GPC6: variants seen among roughly 807,000 people sequenced by gnomAD.
The protein encoded by GPC6 is glypican-6.
Under a neutral mutation model 55.2 loss-of-function variants are expected in GPC6, and 14 were observed. The ratio of observed to expected loss-of-function variants is 0.25; its 90% CI spans 0.17 to 0.40. The LOEUF (loss-of-function observed/expected upper bound fraction) is 0.40, where lower values mean the gene tolerates loss of function less well. Ranked by LOEUF, GPC6 falls within the 10% of genes least tolerant of loss-of-function variation. GPC6 has a pLI of 1.00. For missense variants in GPC6, 641 were observed against 708.5 expected (o/e 0.90, Z 1.08); for synonymous variants, 278 against 259.6 (o/e 1.07, Z -0.68).
intron 3 of GPC6, among the ~76,000 whole-genome samples, chr13:93,869,583 G>T (rs1594540665): frequency 1.3e-5 from 2 of 151,820 alleles, no homozygotes; most frequent in Non-Finnish European, 2.9e-5. Flanking sequence ...ACCTAAAATG[G>T]CATTGCAGTC....
chr13:93,932,918 CT>C (rs1878247372), intron 3 of GPC6, among the ~76,000 whole-genome samples: 1 of 146,318 alleles, frequency 6.8e-6, no homozygotes, highest in Admixed American at 6.8e-5. Context: ...CAAAATGAGT[CT>C]TATTGGGCTA....
chr13:93,314,777 G>T (rs1879192313), intron 1 of GPC6, among the ~76,000 whole-genome samples: 1 of 150,846 alleles, frequency 6.6e-6, no homozygotes. Flanking sequence ...GCTGAGAAAT[G>T]AGGAGATTGG....
chr13:93,781,454 C>G (rs75276811), intron 2 of GPC6, among the ~76,000 whole-genome samples: 1 of 152,112 alleles, frequency 6.6e-6, no homozygotes, highest in Admixed American at 6.6e-5. Context: ...GGGATCGTTA[C>G]AGGCAGAACC....
rs554856972 is a variant in GPC6, at chr13:93,623,482, G to A, written c.319+78061G>A. On this transcript the variant is annotated intron_variant, in intron 2 of 8. Transcript: ENST00000377047. ...TTTTTTTTTTTTTTTTTTTTGAGAC[G>A]GAGTCTCGCTCTCTCGCCCAGGCTG... Among the ~76,000 whole-genome samples the A allele has an allele frequency of 1.1e-4, 8 of 73,176 alleles. No homozygotes were observed. In the East Asian group the frequency reaches 1.3e-3, roughly 12 times the overall value. 48.0% of individuals were successfully genotyped at this position (73,176 alleles called of 152,430 possible). A position where few individuals can be genotyped will look rare whatever the true frequency, so the allele number is the denominator to read the frequency against.
intron 1 of GPC6, among the ~76,000 whole-genome samples, chr13:93,528,762 A>C (rs887018748): frequency 6.6e-6 from 1 of 152,134 alleles, no homozygotes; most frequent in Non-Finnish European, 1.5e-5. Context: ...TTTCTTTTGG[A>C]TATGAAGACA....
At chr13:93,392,020 G>C (rs961137221) in intron 1 of GPC6, among the ~76,000 whole-genome samples, 1 of 152,102 alleles carries the variant, frequency 6.6e-6, no homozygotes, top group Admixed American at 6.6e-5. Flanking sequence ...GTACTCTGTA[G>C]GAAACAACTT....
chr13:94,404,794 C>G lies in GPC6; in HGVS notation c.*1577C>G, dbSNP rs1881301685. 1 of 152,206 alleles carries G rather than the reference C, an allele frequency of 6.6e-6. No individual in the cohort carries two copies. 9.4% of individuals were successfully genotyped at this position (152,206 alleles called of 1,614,324 possible). ...TGGATACATTACCTAACTCAATAGG[C>G]CAGTTTAGAGCCACAGCCTAACCTG... On this transcript the variant is annotated 3_prime_UTR_variant, in exon 9 of 9. Transcript: ENST00000377047.
chr13:94,345,817 G>A (rs1164514805), intron 6 of GPC6, among the ~76,000 whole-genome samples: 3 of 152,162 alleles, frequency 2.0e-5, no homozygotes, highest in African/African-American at 4.8e-5. Context: ...TACCACAAAC[G>A]GAGTGGCTTA....
At chr13:93,610,525 G>A (rs1395139790) in intron 2 of GPC6, among the ~76,000 whole-genome samples, 1 of 152,064 alleles carries the variant, frequency 6.6e-6, no homozygotes, top group Non-Finnish European at 1.5e-5. Flanking sequence ...ATCAGGAGAT[G>A]ATAAGTGATC....
At chr13:93,584,079 G>A (rs76063525) in intron 2 of GPC6, among the ~76,000 whole-genome samples, 9,034 of 152,204 alleles carry the variant, frequency 0.059, 862 homozygotes, top group African/African-American at 0.2. Context: ...AAATTCAGGA[G>A]TTCTATTAGG....
chr13:93,661,434 G>T (rs1222418816), intron 2 of GPC6, among the ~76,000 whole-genome samples: 2 of 152,072 alleles, frequency 1.3e-5, no homozygotes, highest in Non-Finnish European at 2.9e-5. Flanking sequence ...GGCTGGTCTT[G>T]AATCCCTGAC....
At chr13:93,572,201 T>C (rs1456256263) in intron 2 of GPC6, among the ~76,000 whole-genome samples, 1 of 152,192 alleles carries the variant, frequency 6.6e-6, no homozygotes, top group Admixed American at 6.6e-5. Flanking sequence ...CTTTGAGCAG[T>C]CTTCTGTGTG....
Position 94,403,045 on chromosome 13 carries a change from G to A in GPC6, c.1496G>A (p.Ser499Asn), listed in dbSNP as rs374652762. ...GAATCCAGTGGCTCAGGGAGTGGCA[G>A]TGGGTGCATGGATGACGTGTGTCCC... ...SDESSGSGSGSGCMDDVCPTE... is the reference protein window; with the variant it reads ...SDESSGSGSGNGCMDDVCPTE... Residue 499 changes from serine to asparagine, a missense_variant, in exon 9 of 9, where the codon AGT becomes AAT. Physicochemically the swap from Ser to Asn is conservative, Grantham distance 46. Transcript: ENST00000377047. 1.5e-5 allele frequency: 24 copies of A among 1,613,382 alleles called. No individual in the cohort carries two copies. The highest frequency in any genetic ancestry group is 2.0e-5 in the Non-Finnish European group (24 of 1,179,392).
intron 2 of GPC6, among the ~76,000 whole-genome samples, chr13:93,784,528 GC>G (rs1233813386): frequency 6.6e-6 from 1 of 152,110 alleles, no homozygotes; most frequent in Non-Finnish European, 1.5e-5. Context: ...CCCCACTAAA[GC>G]ACCTAGCCTT....
intron 3 of GPC6, among the ~76,000 whole-genome samples, chr13:94,027,334 C>T (rs1882938977): frequency 6.6e-6 from 1 of 152,100 alleles, no homozygotes; most frequent in African/African-American, 2.4e-5. Context: ...AATATATCTG[C>T]CAACCTCCTT....
intron 2 of GPC6, among the ~76,000 whole-genome samples, chr13:93,782,928 C>T (rs1885701331): frequency 6.6e-6 from 1 of 152,090 alleles, no homozygotes; most frequent in South Asian, 2.1e-4. Context: ...GTTTGCTGCA[C>T]CTATCAATCC....
chr13:93,822,919 A>G (rs1887107212), intron 2 of GPC6, among the ~76,000 whole-genome samples: 1 of 151,096 alleles, frequency 6.6e-6, no homozygotes, highest in Non-Finnish European at 1.5e-5. Flanking sequence ...GCTGGAGTGC[A>G]GTGGCACGAC....
chr13:93,267,875 G>C (rs1287193817), intron 1 of GPC6, among the ~76,000 whole-genome samples: 1 of 152,008 alleles, frequency 6.6e-6, no homozygotes, highest in Non-Finnish European at 1.5e-5. Flanking sequence ...TGCTTAGATG[G>C]GCAGACATGT....
chr13:93,534,325 A>G (rs1181020089), intron 1 of GPC6, among the ~76,000 whole-genome samples: 1 of 152,222 alleles, frequency 6.6e-6, no homozygotes, highest in Non-Finnish European at 1.5e-5. Context: ...TCTGCGCTCC[A>G]GAGCTCTATA....
Sources: gnomAD v4.1 joint callset for allele counts (sites outside exome capture counted in the v4.1 genomes callset) on GRCh38, gnomAD v4.1.1 for gene constraint, MANE v1.5 for transcripts, NCBI Gene and HGNC (gene_info 2026-07-23, HGNC 2026-07-21) for gene names.